METAP1: variants seen among roughly 807,000 people sequenced by gnomAD.
The protein encoded by METAP1 is methionine aminopeptidase 1.
Under a neutral mutation model 53.8 loss-of-function variants are expected in METAP1, and 28 were observed. The ratio of observed to expected loss-of-function variants is 0.52; its 90% CI spans 0.39 to 0.71. The LOEUF (loss-of-function observed/expected upper bound fraction) is 0.71. Among genes scored for constraint, METAP1 ranks in the 30% least tolerant of loss-of-function variants. The pLI is 0.00. For synonymous variants in METAP1, 181 were observed against 165.7 expected, an observed-to-expected ratio of 1.09 and a Z score of -0.71; for missense variants, 389 against 479.8, an observed-to-expected ratio of 0.81 and a Z score of 1.77.
intron 7 of METAP1, among the ~76,000 whole-genome samples, chr4:99,044,307 G>C (rs953379770): frequency 6.6e-6 from 1 of 152,190 alleles, no homozygotes; most frequent in African/African-American, 2.4e-5. Context: ...AAATGAGGAA[G>C]CATGAGCCCA....
intron 4 of METAP1, chr4:99,037,846 G>A (rs1370546643): frequency 1.3e-5 from 2 of 151,468 alleles, no homozygotes; most frequent in Non-Finnish European, 3.0e-5. Flanking sequence ...AAATTATCCT[G>A]TTGACATTTT....
chr4:99,041,018 T>C, intron 5 of METAP1, 25 bp from the exon 6 acceptor site: 1 of 1,550,138 alleles, frequency 6.5e-7, no homozygotes, highest in Non-Finnish European at 8.8e-7. Flanking sequence ...TCTTTTTTAA[T>C]GTATTGAGTG....
chr4:99,037,418 A>T (rs548149453), intron 4 of METAP1, among the ~76,000 whole-genome samples: 2 of 152,016 alleles, frequency 1.3e-5, no homozygotes, highest in African/African-American at 4.8e-5. Context: ...TTCTTCTAGC[A>T]TTTTTATGGT....
chr4:99,057,813 G>A lies in METAP1; in HGVS notation c.992G>A (p.Cys331Tyr). The change falls in exon 10 of 11, where the codon TGT (cysteine) becomes TAT (tyrosine). Residue 331 changes from cysteine (C) to tyrosine (Y), a missense_variant. Physicochemically the swap from Cys to Tyr is radical, Grantham distance 194. Coordinates refer to ENST00000296411, the MANE Select transcript of METAP1 (RefSeq NM_015143.3). ...GHVFTIEPMI[C>Y]EGGWQDETWP... The stretch of plus-strand genomic sequence containing the variant: ...GTATTTACAATTGAGCCAATGATTT[G>A]TGAAGGTGAGAAAAAAGGATGCCAT... 6.3e-7 allele frequency: 1 copy of A among 1,592,218 alleles called. No homozygotes were observed. Among genetic ancestry groups the A allele is most frequent in the Non-Finnish European group, 8.6e-7 (1 of 1,168,402 alleles).
chr4:99,012,332 A>G (rs112256019), intron 1 of METAP1, among the ~76,000 whole-genome samples: 4,731 of 146,864 alleles, frequency 0.032, 80 homozygotes, highest in African/African-American at 0.041. Context: ...GTGAGGTGGC[A>G]CAATCTTGGC....
intron 1 of METAP1, among the ~76,000 whole-genome samples, chr4:99,014,015 G>T (rs146247799): frequency 6.6e-6 from 1 of 152,134 alleles, no homozygotes; most frequent in Non-Finnish European, 1.5e-5. Context: ...CAACCTTTCC[G>T]AATAGGGTGG....
chr4:99,014,377 G>T (rs1314482991), intron 1 of METAP1, among the ~76,000 whole-genome samples: 1 of 152,196 alleles, frequency 6.6e-6, no homozygotes, highest in Non-Finnish European at 1.5e-5. Flanking sequence ...CATATCAAGA[G>T]TGATTCTGTT....
Position 98,997,054 on chromosome 4 carries a change from A to C in METAP1, c.114+1187A>C, listed in dbSNP as rs1333607934. Among the ~76,000 whole-genome samples the C allele has an allele frequency of 2.0e-5, 3 of 152,214 alleles. 1 individual carries two copies. The highest frequency in any genetic ancestry group is 4.4e-5 in the Non-Finnish European group (3 of 68,050). Reference sequence around the variant, plus strand: ...GACCCAGATTATCCAAGGAACGTGAAATGCTGTTATAATGTAAAGTCCTTT... The same window carrying C: ...GACCCAGATTATCCAAGGAACGTGACATGCTGTTATAATGTAAAGTCCTTT... On this transcript the variant is annotated intron_variant, in intron 1 of 10. Coordinates refer to ENST00000296411, the MANE Select transcript of METAP1 (RefSeq NM_015143.3).
intron 7 of METAP1, among the ~76,000 whole-genome samples, chr4:99,043,988 AG>A (rs1434837689): frequency 5.3e-5 from 8 of 152,166 alleles, no homozygotes; most frequent in African/African-American, 1.9e-4. Flanking sequence ...GCTCGAGTGC[AG>A]GGGCGCCACC....
At chr4:99,002,489 T>C (rs1378369386) in intron 1 of METAP1, among the ~76,000 whole-genome samples, 8 of 152,202 alleles carry the variant, frequency 5.3e-5, no homozygotes, top group Non-Finnish European at 7.3e-5. Context: ...ATTATAAGTC[T>C]TTTCCTTTGA....
chr4:99,029,319 T>C (rs531571496), intron 2 of METAP1, among the ~76,000 whole-genome samples: 12 of 152,350 alleles, frequency 7.9e-5, no homozygotes, highest in African/African-American at 1.7e-4. Flanking sequence ...TTGCTTTTTC[T>C]ACTCAAAACT....
chr4:99,061,088 C>T, intron 10 of METAP1, 66 bp from the exon 11 acceptor site: 5 of 1,524,592 alleles, frequency 3.3e-6, no homozygotes, highest in Admixed American at 4.0e-5. Flanking sequence ...TTTTCCTTGG[C>T]TTTCTTCTTG....
At chr4:99,047,252 A>G (rs1726335386) in intron 8 of METAP1, among the ~76,000 whole-genome samples, 1 of 152,168 alleles carries the variant, frequency 6.6e-6, no homozygotes, top group Admixed American at 6.5e-5. Context: ...GACCTGTTCT[A>G]TACACATAAG....
chr4:99,035,346 C>T (rs969174354), intron 3 of METAP1, 54 bp from the exon 4 acceptor site: 58 of 1,306,238 alleles, frequency 4.4e-5, no homozygotes, highest in African/African-American at 4.4e-4. Flanking sequence ...TCTTTCTCCC[C>T]TCGTTTTATT....
At chr4:99,013,130 T>C (rs986812315) in intron 1 of METAP1, among the ~76,000 whole-genome samples, 1 of 152,236 alleles carries the variant, frequency 6.6e-6, no homozygotes, top group African/African-American at 2.4e-5. Flanking sequence ...AGAGTATGTT[T>C]CATTTCCACA....
intron 4 of METAP1, 95 bp from the exon 5 acceptor site, chr4:99,039,279 A>G: frequency 1.5e-6 from 1 of 677,372 alleles, no homozygotes; most frequent in East Asian, 2.8e-5. Context: ...TGAAACAGTG[A>G]GACTACTGTT....
At chr4:99,031,388 G>T in intron 2 of METAP1, 1 of 1,184,194 alleles carries the variant, frequency 8.4e-7, no homozygotes, top group South Asian at 1.4e-5. Flanking sequence ...AATTTGACAA[G>T]TATCTTGAAT....
intron 9 of METAP1, among the ~76,000 whole-genome samples, chr4:99,054,351 G>A (rs566478732): frequency 6.6e-6 from 1 of 152,254 alleles, no homozygotes; most frequent in South Asian, 2.1e-4. Context: ...ACCTCTGCTA[G>A]CTTTCAACTT....
At chr4:99,055,003 CAG>C (rs1402204565) in intron 9 of METAP1, among the ~76,000 whole-genome samples, 1 of 152,040 alleles carries the variant, frequency 6.6e-6, no homozygotes, top group African/African-American at 2.4e-5. Context: ...AATTGTGACA[CAG>C]AGACATGAAG....
Sources: allele counts gnomAD v4.1 joint callset (sites outside exome capture counted in the v4.1 genomes callset), GRCh38; gene constraint gnomAD v4.1.1; transcripts MANE v1.5; gene names NCBI Gene and HGNC (gene_info 2026-07-23, HGNC 2026-07-21).